INTS9: variants seen among roughly 807,000 people sequenced by gnomAD.
INTS9 encodes protein related to CPSF subunits of 74 kDa.
In INTS9, 55 loss-of-function variants were observed where a neutral mutation model predicts 79.7. The observed-to-expected ratio is 0.69, with a 90% confidence interval of 0.56 to 0.86. INTS9 has a LOEUF of 0.86. Among genes scored for constraint, INTS9 ranks in the 40% least tolerant of loss-of-function variants. INTS9 has a pLI of 0.00. For synonymous variants in INTS9, 319 were observed against 325.2 expected (o/e 0.98, Z 0.20); for missense variants, 721 against 831.5 (o/e 0.87, Z 1.64).
intron 12 of INTS9, 95 bp from the exon 13 acceptor site, chr8:28,778,048 C>T: frequency 7.3e-7 from 1 of 1,368,444 alleles, no homozygotes; most frequent in Admixed American, 2.5e-5. Flanking sequence ...CACAGACAGT[C>T]AGGGGGTCAG....
At chr8:28,857,000 C>A (rs368822061) in intron 2 of INTS9, among the ~76,000 whole-genome samples, 1 of 152,138 alleles carries the variant, frequency 6.6e-6, no homozygotes, top group Non-Finnish European at 1.5e-5. Context: ...TGTTAATTCA[C>A]CAAGAATAAT....
chr8:28,856,741 C>G (rs1808185169), intron 2 of INTS9, among the ~76,000 whole-genome samples: 4 of 152,146 alleles, frequency 2.6e-5, no homozygotes, highest in Admixed American at 2.6e-4. Context: ...TATTTAGATT[C>G]ATAGGGTACA....
chr8:28,841,227 G>A (rs1807163976), intron 4 of INTS9, among the ~76,000 whole-genome samples: 1 of 152,164 alleles, frequency 6.6e-6, no homozygotes, highest in African/African-American at 2.4e-5. Context: ...CACTGCCTTT[G>A]CAAGACAGTG....
At chr8:28,770,933 TTTC>T (rs1469172006) in intron 15 of INTS9, 46 bp downstream of exon 15, 1 of 1,328,332 alleles carries the variant, frequency 7.5e-7, no homozygotes, top group Middle Eastern at 2.5e-4. Context: ...GGTGGTCTGG[TTTC>T]TTGCTGGGGA....
intron 1 of INTS9, among the ~76,000 whole-genome samples, chr8:28,874,312 CAG>C (rs1427585932): frequency 2.0e-5 from 3 of 148,982 alleles, no homozygotes; most frequent in African/African-American, 7.4e-5. Flanking sequence ...TGTTTTGAGA[CAG>C]AGTCTCGCTC....
At chr8:28,865,524 A>G (rs1808695700) in intron 1 of INTS9, among the ~76,000 whole-genome samples, 3 of 152,148 alleles carry the variant, frequency 2.0e-5, no homozygotes, top group Admixed American at 1.3e-4. Context: ...AGATTTTAAG[A>G]TAAAGATTAT....
At chr8:28,823,233 G>A (rs1585416713) in intron 6 of INTS9, among the ~76,000 whole-genome samples, 1 of 152,172 alleles carries the variant, frequency 6.6e-6, no homozygotes, top group East Asian at 1.9e-4. Flanking sequence ...AAAACAGCAG[G>A]TGCAGGAAGA....
At chr8:28,882,532 T>TAAAAAAAAAAAAAAAGAAA (rs1809939999) in intron 1 of INTS9, among the ~76,000 whole-genome samples, 2 of 63,292 alleles carry the variant, frequency 3.2e-5, no homozygotes, top group Non-Finnish European at 6.1e-5. Context: ...TATTAACAGC[T>TAAAAAAAAAAAAAAAGAAA]AAAAAAAAAA....
intron 8 of INTS9, among the ~76,000 whole-genome samples, chr8:28,804,512 T>C (rs1219860826): frequency 7.0e-6 from 1 of 143,070 alleles, no homozygotes; most frequent in Non-Finnish European, 1.5e-5. Context: ...GGGATGAAGG[T>C]TCACAGAACA....
At chr8:28,863,873 T>A (rs1218170584) in intron 1 of INTS9, among the ~76,000 whole-genome samples, 1 of 152,222 alleles carries the variant, frequency 6.6e-6, no homozygotes, top group Non-Finnish European at 1.5e-5. Context: ...GCTGTGGGTA[T>A]GGAGGGACTA....
At chr8:28,786,404 C>T (rs918203409) in intron 11 of INTS9, among the ~76,000 whole-genome samples, 1 of 152,116 alleles carries the variant, frequency 6.6e-6, no homozygotes, top group Non-Finnish European at 1.5e-5. Context: ...GATCCTCCCA[C>T]CCCAGCCTCT....
intron 14 of INTS9, among the ~76,000 whole-genome samples, chr8:28,772,670 G>A (rs1802616188): frequency 6.6e-6 from 1 of 152,086 alleles, no homozygotes; most frequent in African/African-American, 2.4e-5. Flanking sequence ...ATCCAGGTGT[G>A]GTGGCAGGTG....
intron 14 of INTS9, 86 bp from the exon 15 acceptor site, chr8:28,771,166 C>T (rs758142500): frequency 1.0e-5 from 10 of 977,004 alleles, no homozygotes; most frequent in African/African-American, 1.6e-5. Context: ...TCACTGCAGT[C>T]TAAAAAGATG....
chr8:28,819,676 G>T (rs1350413160), intron 6 of INTS9, among the ~76,000 whole-genome samples: 1 of 152,104 alleles, frequency 6.6e-6, no homozygotes, highest in Admixed American at 6.5e-5. Flanking sequence ...GGTCTGCTTG[G>T]TGCAGAGCTG....
At chr8:28,874,315 A>T (rs1165060166) in intron 1 of INTS9, among the ~76,000 whole-genome samples, 4 of 151,124 alleles carry the variant, frequency 2.6e-5, no homozygotes, top group Non-Finnish European at 5.9e-5. Flanking sequence ...TTTGAGACAG[A>T]GTCTCGCTCT....
chr8:28,887,140 G>C (rs1190065705), intron 1 of INTS9, among the ~76,000 whole-genome samples: 1 of 152,176 alleles, frequency 6.6e-6, no homozygotes, highest in Non-Finnish European at 1.5e-5. Flanking sequence ...CCCTGAAGAA[G>C]TGTTATTTAG....
intron 1 of INTS9, among the ~76,000 whole-genome samples, chr8:28,880,779 C>G (rs1809701160): frequency 1.3e-5 from 2 of 150,004 alleles, no homozygotes; most frequent in Admixed American, 1.3e-4. Flanking sequence ...AGGAGCGTCT[C>G]TGCCCGGCCG....
intron 16 of INTS9, 181 bp from the exon 17 acceptor site, chr8:28,768,503 A>AT (rs558045157): frequency 2.6e-4 from 164 of 619,288 alleles, no homozygotes; most frequent in African/African-American, 2.6e-3. Context: ...GACCCTAAAC[A>AT]TGCAAAAGCT....
At chr8:28,872,445 T>C (rs1809146748) in intron 1 of INTS9, among the ~76,000 whole-genome samples, 1 of 152,102 alleles carries the variant, frequency 6.6e-6, no homozygotes, top group Admixed American at 6.6e-5. Context: ...CCTTTTTAAA[T>C]TAGAATCCAT....
Sources: gnomAD v4.1 joint callset for allele counts (sites outside exome capture counted in the v4.1 genomes callset) on GRCh38, gnomAD v4.1.1 for gene constraint, MANE v1.5 for transcripts, NCBI Gene and HGNC (gene_info 2026-07-23, HGNC 2026-07-21) for gene names.